SLX4IP: variants seen among roughly 807,000 people sequenced by gnomAD.
SLX4IP encodes the protein SLX4 interacting protein.
A neutral mutation model predicts 32.9 loss-of-function variants in SLX4IP; 34 were observed. That is an observed-to-expected ratio of 1.03 (90% CI 0.79 to 1.38). The LOEUF (loss-of-function observed/expected upper bound fraction) is 1.38, where lower values mean the gene tolerates loss of function less well. Ranked by LOEUF, SLX4IP falls within the 40% of genes most tolerant of loss-of-function variation. The probability of loss-of-function intolerance (pLI) is 0.00; values close to 1 mark genes in which losing one functional copy is unlikely to be tolerated. For missense variants in SLX4IP, 444 were observed against 479.0 expected, an observed-to-expected ratio of 0.93 and a Z score of 0.68; for synonymous variants, 172 against 171.7, an observed-to-expected ratio of 1.00 and a Z score of -0.01.
Position 10,511,164 on chromosome 20 carries a change from CA to C in SLX4IP, c.28-45065del, listed in dbSNP as rs535775300. 1.8e-3 allele frequency among the ~76,000 whole-genome samples: 271 copies of C among 152,290 alleles called. 5 individuals carry two copies. Among genetic ancestry groups the C allele is most frequent in the Admixed American group, 0.017 (255 of 15,306 alleles). ...GGTCCTTTAAAACTTAAAAAGTTTG[CA>C]ATATGTTGTTCTCATAATCTGCTGA... On this transcript the variant is annotated intron_variant, in intron 2 of 7. Transcript: ENST00000334534.
intron 2 of SLX4IP, among the ~76,000 whole-genome samples, chr20:10,545,057 A>G (rs1267743992): frequency 6.6e-6 from 1 of 152,078 alleles, no homozygotes; most frequent in African/African-American, 2.4e-5. Flanking sequence ...GGATCCAAGA[A>G]TTTGCACATC....
chr20:10,582,589 T>C (rs2066598285), intron 4 of SLX4IP, among the ~76,000 whole-genome samples: 2 of 152,168 alleles, frequency 1.3e-5, no homozygotes, highest in African/African-American at 4.8e-5. Flanking sequence ...ACTATGTATC[T>C]ATAAATCTAT....
intron 2 of SLX4IP, among the ~76,000 whole-genome samples, chr20:10,506,200 C>T (rs922818832): frequency 1.3e-5 from 2 of 152,160 alleles, no homozygotes; most frequent in African/African-American, 4.8e-5. Context: ...GGGATTTAGG[C>T]AGCAATTAGA....
chr20:10,515,079 CTTTT>C (rs35576843), intron 2 of SLX4IP, among the ~76,000 whole-genome samples: 2 of 82,920 alleles, frequency 2.4e-5, no homozygotes, highest in Middle Eastern at 0.012. Context: ...TAAGTTGAAG[CTTTT>C]TTTTTTTTTT....
chr20:10,490,780 G>A (rs1025083208), intron 2 of SLX4IP, among the ~76,000 whole-genome samples: 2 of 152,072 alleles, frequency 1.3e-5, no homozygotes, highest in African/African-American at 4.8e-5. Flanking sequence ...TGGTTTATTT[G>A]AGAGTCTCTG....
chr20:10,591,002 C>T (rs1821827388), intron 4 of SLX4IP, among the ~76,000 whole-genome samples: 1 of 152,176 alleles, frequency 6.6e-6, no homozygotes, highest in South Asian at 2.1e-4. Context: ...AGAGATTTCA[C>T]ATAAAAACTT....
Position 10,560,694 on chromosome 20 carries a change from C to A in SLX4IP, c.118-6C>A. The stretch of plus-strand genomic sequence containing the variant: ...AAGGTTATATCTAATTTTTTATTTG[C>A]TTTAGGAAGTCTGTTTACTGTTAAA... On this transcript the variant is annotated splice_polypyrimidine_tract_variant and splice_region_variant and intron_variant, in intron 3 of 7. Coordinates refer to ENST00000334534, the MANE Select transcript of SLX4IP (RefSeq NM_001009608.3). The A allele has an allele frequency of 1.9e-6, 3 of 1,559,298 alleles. No homozygotes were observed. Among genetic ancestry groups the A allele is most frequent in the East Asian group, 2.3e-5 (1 of 42,876 alleles).
intron 2 of SLX4IP, among the ~76,000 whole-genome samples, chr20:10,543,007 TG>T (rs1415856679): frequency 6.6e-6 from 1 of 152,248 alleles, no homozygotes; most frequent in Non-Finnish European, 1.5e-5. Context: ...GGTTGCTGTT[TG>T]GCCATTAATG....
chr20:10,454,754 T>A (rs181031992), intron 1 of SLX4IP, among the ~76,000 whole-genome samples: 1 of 152,338 alleles, frequency 6.6e-6, no homozygotes, highest in East Asian at 1.9e-4. Flanking sequence ...ATTTTTTTTC[T>A]TGGATATATC....
chr20:10,509,668 G>A (rs2065789505), intron 2 of SLX4IP, among the ~76,000 whole-genome samples: 2 of 152,048 alleles, frequency 1.3e-5, no homozygotes. Context: ...AATGGGGACA[G>A]TTGGTCCCGC....
At chr20:10,466,214 C>T (rs1295820061) in intron 2 of SLX4IP, among the ~76,000 whole-genome samples, 1 of 152,214 alleles carries the variant, frequency 6.6e-6, no homozygotes, top group Non-Finnish European at 1.5e-5. Flanking sequence ...GCCTTAGAGG[C>T]ATTTGAAAAA....
rs1216885805 is a variant in SLX4IP, at chr20:10,518,527, TTCCTTCCTTCCTTCCTTCCTTC to T, written c.28-37703_28-37682del. Among the ~76,000 whole-genome samples, 52 of 138,160 alleles carry T rather than the reference TTCCTTCCTTCCTTCCTTCCTTC, an allele frequency of 3.8e-4. 1 individual carries two copies. The highest frequency in any genetic ancestry group is 7.4e-4 in the South Asian group (3 of 4,050). The allele number at this position is 138,160 out of a possible 152,430, so 90.6% of individuals were successfully genotyped here. On this transcript the variant is annotated intron_variant, in intron 2 of 7. Coordinates refer to ENST00000334534, the MANE Select transcript of SLX4IP (RefSeq NM_001009608.3). The stretch of plus-strand genomic sequence containing the variant: ...CTTCCTTCCTTCCTTCCTTCCTTCC[TTCCTTCCTTCCTTCCTTCCTTC>T]CTTTCCTTCTTTCTTTCTTTTCTTT...
intron 2 of SLX4IP, among the ~76,000 whole-genome samples, chr20:10,500,667 C>T (rs2065710594): frequency 6.6e-6 from 1 of 152,090 alleles, no homozygotes; most frequent in African/African-American, 2.4e-5. Context: ...TGGGAGGATT[C>T]CTTGAGCCCA....
intron 6 of SLX4IP, among the ~76,000 whole-genome samples, chr20:10,612,671 C>A (rs1007106046): frequency 1.3e-5 from 2 of 152,044 alleles, no homozygotes; most frequent in African/African-American, 4.8e-5. Flanking sequence ...TCCTGAGTAG[C>A]TGGGATTACA....
chr20:10,614,072 C>A, intron 6 of SLX4IP: 1 of 1,542,960 alleles, frequency 6.5e-7, no homozygotes, highest in South Asian at 1.2e-5. Context: ...CCTTGTCGCC[C>A]TCGCCCACCC....
chr20:10,574,758 C>G (rs856999), intron 4 of SLX4IP, among the ~76,000 whole-genome samples: 47,736 of 151,898 alleles, frequency 0.31, 8,659 homozygotes, highest in South Asian at 0.48. Flanking sequence ...CTGTAACCAC[C>G]ACCTCCCAGG....
intron 2 of SLX4IP, among the ~76,000 whole-genome samples, chr20:10,517,078 T>C (rs1232342238): frequency 2.0e-5 from 3 of 152,226 alleles, no homozygotes; most frequent in Non-Finnish European, 4.4e-5. Flanking sequence ...TCATTTTACA[T>C]TGTCAAGCCC....
chr20:10,494,906 T>G (rs1348617112), intron 2 of SLX4IP, among the ~76,000 whole-genome samples: 1 of 152,162 alleles, frequency 6.6e-6, no homozygotes, highest in Non-Finnish European at 1.5e-5. Flanking sequence ...GAGAAATAAG[T>G]TCTTGATGTG....
intron 2 of SLX4IP, among the ~76,000 whole-genome samples, chr20:10,484,541 T>G (rs1467553188): frequency 6.6e-6 from 1 of 152,130 alleles, no homozygotes; most frequent in Non-Finnish European, 1.5e-5. Context: ...TGTCACTGTG[T>G]GAGGCACACA....
Sources: allele counts gnomAD v4.1 joint callset (sites outside exome capture counted in the v4.1 genomes callset), GRCh38; gene constraint gnomAD v4.1.1; transcripts MANE v1.5; gene names NCBI Gene and HGNC (gene_info 2026-07-23, HGNC 2026-07-21).